ACVR1: variants seen among roughly 807,000 people sequenced by gnomAD.
ACVR1 encodes the protein activin receptor type-1.
In ACVR1, 38 loss-of-function variants were observed where a neutral mutation model predicts 57.1. That is an observed-to-expected ratio of 0.67 (90% CI 0.51 to 0.87). The LOEUF is 0.87. Among genes scored for constraint, ACVR1 ranks in the 40% least tolerant of loss-of-function variants. ACVR1 has a pLI of 0.00. For synonymous variants in ACVR1, 212 were observed against 228.1 expected, an observed-to-expected ratio of 0.93 and a Z score of 0.63; for missense variants, 463 against 638.2, an observed-to-expected ratio of 0.73 and a Z score of 2.96.
At chr2:157,773,743 C>A (rs1032779812) in intron 6 of ACVR1, among the ~76,000 whole-genome samples, 4 of 152,130 alleles carry the variant, frequency 2.6e-5, no homozygotes, top group Admixed American at 1.3e-4. Context: ...TAAAGAAGTT[C>A]ATTGTCCAAA....
intron 1 of ACVR1, among the ~76,000 whole-genome samples, chr2:157,839,706 G>A (rs752836063): frequency 5.3e-5 from 8 of 152,132 alleles, no homozygotes; most frequent in Non-Finnish European, 1.2e-4. Flanking sequence ...CATCCCAAGG[G>A]CATCAGGAAA....
intron 3 of ACVR1, among the ~76,000 whole-genome samples, chr2:157,792,725 A>G (rs1448191205): frequency 1.3e-5 from 2 of 152,224 alleles, no homozygotes; most frequent in Non-Finnish European, 2.9e-5. Context: ...TAAAATTTAA[A>G]AAGACAAGAA....
intron 2 of ACVR1, among the ~76,000 whole-genome samples, chr2:157,811,096 C>T (rs1159311774): frequency 1.3e-5 from 2 of 152,166 alleles, no homozygotes; most frequent in African/African-American, 4.8e-5. Flanking sequence ...GGTGTTGTGA[C>T]CACCTTCTTC....
At chr2:157,837,991 G>A (rs965358005) in intron 1 of ACVR1, among the ~76,000 whole-genome samples, 7 of 152,064 alleles carry the variant, frequency 4.6e-5, no homozygotes, top group Non-Finnish European at 8.8e-5. Flanking sequence ...GGCTACTTAG[G>A]CAATGCACAC....
chr2:157,741,439 A>T (rs2105221325), intron 9 of ACVR1, among the ~76,000 whole-genome samples: 1 of 152,146 alleles, frequency 6.6e-6, no homozygotes, highest in East Asian at 1.9e-4. Flanking sequence ...CATCCTGGTA[A>T]CATGGTGAAA....
At chr2:157,783,572 G>A (rs965236253) in intron 3 of ACVR1, among the ~76,000 whole-genome samples, 2 of 152,304 alleles carry the variant, frequency 1.3e-5, no homozygotes, top group Admixed American at 6.5e-5. Flanking sequence ...CTGCCTGTAA[G>A]TTGGTGATTC....
intron 8 of ACVR1, among the ~76,000 whole-genome samples, chr2:157,765,383 A>T (rs7576214): frequency 0.027 from 4,092 of 152,334 alleles, 107 homozygotes; most frequent in African/African-American, 0.067. Flanking sequence ...TGTGAAGGTT[A>T]GTGAAACCAA....
At chr2:157,768,430 A>G (rs1176778691) in intron 7 of ACVR1, among the ~76,000 whole-genome samples, 2 of 152,234 alleles carry the variant, frequency 1.3e-5, no homozygotes, top group African/African-American at 2.4e-5. Context: ...TTACTGTTAT[A>G]TATCTGTGTA....
At chr2:157,808,137 G>T (rs1317029206) in intron 2 of ACVR1, among the ~76,000 whole-genome samples, 1 of 152,082 alleles carries the variant, frequency 6.6e-6, no homozygotes, top group Non-Finnish European at 1.5e-5. Flanking sequence ...ACAACTAGGT[G>T]AGATTTGTCA....
rs1201797963 is a variant in ACVR1, at chr2:157,762,601, T to C, written c.1067-1524A>G. Among the ~76,000 whole-genome samples, 5 of 152,212 alleles carry C rather than the reference T, an allele frequency of 3.3e-5. No homozygotes were observed. In the East Asian group the frequency reaches 9.6e-4, roughly 29 times the overall value. ...AAGCTTCAAAGAACTTGTGGACATA[T>C]TTTAAAGCCACCACTGCTAGGATCT... On this transcript the variant is annotated intron_variant, in intron 8 of 10. Transcript: ENST00000434821.
At chr2:157,743,740 T>C (rs954820784) in intron 9 of ACVR1, among the ~76,000 whole-genome samples, 3 of 151,248 alleles carry the variant, frequency 2.0e-5, no homozygotes, top group African/African-American at 7.3e-5. Context: ...ACACGTCCAT[T>C]CAGGTCATGT....
chr2:157,737,554 C>G lies in ACVR1; in HGVS notation c.1507G>C (p.Asp503His). The G allele has an allele frequency of 6.2e-7, 1 of 1,614,002 alleles. No individual in the cohort carries two copies. The highest frequency in any genetic ancestry group is 8.5e-7 in the Non-Finnish European group (1 of 1,179,958). Residue 503 changes from aspartate to histidine, a missense_variant, in exon 11 of 11, where the codon GAC becomes CAC. Asp to His is a moderately conservative substitution (Grantham distance 81). This residue lies in a region of ACVR1 where 146 missense variants were observed against 186.6 expected (regional missense o/e 0.78). Transcript: ENST00000434821. ...TGTCAACAGTCAGTTTTCAATTTGT[C>G]GAGGGAATTATCAATTTTGGTCAAA... is the stretch of plus-strand genomic sequence containing the variant. ...KTLTKIDNSLDKLKTDC is the reference protein window; with the variant it reads ...KTLTKIDNSLHKLKTDC
intron 1 of ACVR1, among the ~76,000 whole-genome samples, chr2:157,841,364 G>A (rs954785951): frequency 6.6e-6 from 1 of 152,118 alleles, no homozygotes; most frequent in Non-Finnish European, 1.5e-5. Flanking sequence ...AAGTTATAAG[G>A]GGATAGGATG....
chr2:157,802,585 T>A (rs1322258922), intron 2 of ACVR1, among the ~76,000 whole-genome samples: 1 of 152,146 alleles, frequency 6.6e-6, no homozygotes, highest in Non-Finnish European at 1.5e-5. Context: ...TGATGCTCCC[T>A]ATGATTGGGC....
chr2:157,760,218 C>CATAT (rs1249980294), intron 9 of ACVR1, among the ~76,000 whole-genome samples: 1 of 152,044 alleles, frequency 6.6e-6, no homozygotes, highest in Non-Finnish European at 1.5e-5. Context: ...AGTTATCACT[C>CATAT]ATATGTGGGA....
intron 8 of ACVR1, among the ~76,000 whole-genome samples, chr2:157,763,785 G>A (rs770232663): frequency 1.3e-5 from 2 of 152,106 alleles, no homozygotes; most frequent in Non-Finnish European, 2.9e-5. Flanking sequence ...ATCCTTAATT[G>A]CTAGGTATAT....
At chr2:157,846,787 A>G (rs1261720351) in intron 1 of ACVR1, among the ~76,000 whole-genome samples, 1 of 152,242 alleles carries the variant, frequency 6.6e-6, no homozygotes, top group Non-Finnish European at 1.5e-5. Context: ...TATAGATTCT[A>G]TACTTCAATA....
intron 3 of ACVR1, among the ~76,000 whole-genome samples, chr2:157,781,142 C>A (rs1001734169): frequency 6.6e-6 from 1 of 152,136 alleles, no homozygotes; most frequent in Admixed American, 6.5e-5. Flanking sequence ...AACTGAGTAT[C>A]CCTTACTCGA....
At chr2:157,834,580 CAT>C (rs1332483226) in intron 1 of ACVR1, among the ~76,000 whole-genome samples, 1 of 152,168 alleles carries the variant, frequency 6.6e-6, no homozygotes, top group Admixed American at 6.5e-5. Context: ...ATATCACACA[CAT>C]ATGTGCCATT....
Sources: gnomAD v4.1 joint callset for allele counts (sites outside exome capture counted in the v4.1 genomes callset) on GRCh38, gnomAD v4.1.1 for gene constraint, gnomAD v4.1.1 regional missense constraint, MANE v1.5 for transcripts, NCBI Gene and HGNC (gene_info 2026-07-23, HGNC 2026-07-21) for gene names.